Variants in ZNF770 observed in about 807,000 individuals in gnomAD.
ZNF770 encodes zinc finger protein 770.
ZNF770 carries 13 observed loss-of-function variants against 44.8 expected under a neutral mutation model. The ratio of observed to expected loss-of-function variants is 0.29; its 90% CI spans 0.19 to 0.46. The LOEUF (loss-of-function observed/expected upper bound fraction) is 0.46. Among genes scored for constraint, ZNF770 ranks in the 20% least tolerant of loss-of-function variants. The pLI is 1.00. For synonymous variants in ZNF770, 304 were observed against 271.8 expected, an observed-to-expected ratio of 1.12 and a Z score of -1.17; for missense variants, 681 against 797.9, an observed-to-expected ratio of 0.85 and a Z score of 1.77.
At position 34,988,119 on chromosome 15, in the gene ZNF770, G is replaced by A. The variant is rs1016825175; in HGVS notation, c.-177C>T. On this transcript the variant is annotated 5_prime_UTR_variant, in exon 1 of 3. The change creates a premature stop within an existing upstream ORF in the 5' untranslated region. Transcript: ENST00000356321. ...CCGTTCTTGGGTCCCCAGGCACCTT[G>A]GCGGTATTGAGGCAGGTCCGACCCT... 6.6e-6 allele frequency: 1 copy of A among 152,326 alleles called. No individual in the cohort carries two copies. The highest frequency in any genetic ancestry group is 2.4e-5 in the African/African-American group (1 of 41,458). The allele number at this position is 152,326 out of a possible 1,614,324, so 9.4% of individuals were successfully genotyped here. A position where few individuals can be genotyped will look rare whatever the true frequency, so the allele number is the denominator to read the frequency against.
In ZNF770 at chr15:34,982,798, C is replaced by T. The variant is rs1359707966; in HGVS notation, c.637G>A (p.Glu213Lys). 1 of 1,613,730 alleles carries T rather than the reference C, an allele frequency of 6.2e-7. No homozygotes were observed. Among genetic ancestry groups the T allele is most frequent in the East Asian group, 2.2e-5 (1 of 44,882 alleles). ...LKIHQLTHSE[E>K]RPFQCCFCQK... ...CAAAAACAACATTGAAAAGGTCTTT[C>T]TTCTGAATGTGTAAGTTGGTGGATT... The change falls in exon 3 of 3, where the codon GAA (glutamate) becomes AAA (lysine). Residue 213 changes from glutamate to lysine, a missense_variant. This residue lies in a region of ZNF770 where 432 missense variants were observed against 434.1 expected (regional missense o/e 1.00). Transcript: ENST00000356321.
intron 2 of ZNF770, among the ~76,000 whole-genome samples, chr15:34,985,804 G>A (rs147150776): frequency 6.6e-6 from 1 of 152,068 alleles, no homozygotes. Flanking sequence ...TGAGTCAGGA[G>A]AATTGCTTGA....
rs375299960 is a variant in ZNF770, at chr15:34,982,114, A to G, written c.1321T>C (p.Ser441Pro). 6.2e-7 allele frequency: 1 copy of G among 1,613,934 alleles called. No homozygotes were observed. Among genetic ancestry groups the G allele is most frequent in the African/African-American group, 1.3e-5 (1 of 74,946 alleles). The change falls in exon 3 of 3, where the codon TCA becomes CCA. Residue 441 changes from serine (S) to proline (P), a missense_variant. Physicochemically the swap from Ser to Pro is moderately conservative, Grantham distance 74. Transcript: ENST00000356321. Reference protein sequence around the residue: ...IDNSVNKKDLSICGSSGEEFF... With the variant: ...IDNSVNKKDLPICGSSGEEFF... ...TCCTCACCTGATGAACCACAGATTG[A>G]CAAGTCTTTCTTATTCACTGAATTA...
At chr15:34,986,701 G>A (rs758980428) in intron 2 of ZNF770, among the ~76,000 whole-genome samples, 1 of 152,204 alleles carries the variant, frequency 6.6e-6, no homozygotes, top group Non-Finnish European at 1.5e-5. Flanking sequence ...ACTGAAAGGA[G>A]CCCCTAACAA....
Position 34,983,182 on chromosome 15 carries a change from T to C in ZNF770, c.253A>G (p.Ile85Val), listed in dbSNP as rs776145555. Residue 85 changes from isoleucine (I) to valine (V), a missense_variant, in exon 3 of 3, where the codon ATT (isoleucine) becomes GTT (valine). Physicochemically the swap from Ile to Val is conservative, Grantham distance 29. Transcript: ENST00000356321. The part of the protein sequence containing the change: ...LTHSLPFKCS[I>V]CQRHFKNLKT... ...AGATTTTTAAAGTGACGCTGACAAA[T>C]ACTACATTTAAAAGGCAGACTATGA... 5.6e-6 allele frequency: 9 copies of C among 1,613,888 alleles called. No homozygotes were observed. Among genetic ancestry groups the C allele is most frequent in the East Asian group, 2.2e-5 (1 of 44,874 alleles).
Position 34,981,742 on chromosome 15 carries a change from C to G in ZNF770, c.1693G>C (p.Gly565Arg). The change falls in exon 3 of 3, where the codon GGT (glycine) becomes CGT (arginine). Residue 565 changes from glycine (G) to arginine (R), a missense_variant. This residue lies in a region of ZNF770 where 148 missense variants were observed against 191.0 expected (regional missense o/e 0.77). Transcript: ENST00000356321. ...TCTGAGACCTCGTATTTTTGAACAC[C>G]AGGAGCCTGACATTGTTGGGAAGCA... ...YNASQQCQAP[G>R]VQKYEVSESD... The G allele has an allele frequency of 6.2e-7, 1 of 1,614,026 alleles. No homozygotes were observed. Among genetic ancestry groups the G allele is most frequent in the Non-Finnish European group, 8.5e-7 (1 of 1,180,010 alleles).
chr15:34,985,780 G>C (rs1249305857), intron 2 of ZNF770, among the ~76,000 whole-genome samples: 2 of 152,156 alleles, frequency 1.3e-5, no homozygotes, highest in African/African-American at 4.8e-5. Context: ...TGTAATTTCA[G>C]CTACTTGGGA....
intron 2 of ZNF770, among the ~76,000 whole-genome samples, chr15:34,986,832 C>T (rs1374147824): frequency 6.6e-6 from 1 of 152,172 alleles, no homozygotes; most frequent in Non-Finnish European, 1.5e-5. Flanking sequence ...AGGAGGGCCT[C>T]CAAATGGAGG....
intron 2 of ZNF770, among the ~76,000 whole-genome samples, chr15:34,986,627 TC>T (rs1187407658): frequency 1.3e-5 from 2 of 152,178 alleles, no homozygotes; most frequent in African/African-American, 4.8e-5. Flanking sequence ...TCCCCAGTGG[TC>T]TACTAAATAC....
At chr15:34,985,660 C>T (rs759475207) in intron 2 of ZNF770, among the ~76,000 whole-genome samples, 4 of 152,112 alleles carry the variant, frequency 2.6e-5, no homozygotes, top group Non-Finnish European at 4.4e-5. Flanking sequence ...TTTGTGAGGC[C>T]GAGGCAGGGG....
chr15:34,979,554 G>A lies in ZNF770; in HGVS notation c.*1805C>T, dbSNP rs1251102835. ...AACAGGCACACTTCTACATCACTGG[G>A]TATTTTACTCAGACTGTCATGTTTC... On this transcript the variant is annotated 3_prime_UTR_variant, in exon 3 of 3. Transcript: ENST00000356321. The A allele has an allele frequency of 2.4e-6, 1 of 420,988 alleles. No homozygotes were observed. Among genetic ancestry groups the A allele is most frequent in the Non-Finnish European group, 4.7e-6 (1 of 212,034 alleles). The allele number at this position is 420,988 out of a possible 1,614,324, so 26.1% of individuals were successfully genotyped here.
In ZNF770 at chr15:34,979,875, T is replaced by C. The variant is rs1245687958; in HGVS notation, c.*1484A>G. 1 of 303,180 alleles carries C rather than the reference T, an allele frequency of 3.3e-6. No homozygotes were observed. The highest frequency in any genetic ancestry group is 6.4e-6 in the Non-Finnish European group (1 of 155,654). The allele number at this position is 303,180 out of a possible 1,614,324, so 18.8% of individuals were successfully genotyped here. On this transcript the variant is annotated 3_prime_UTR_variant, in exon 3 of 3. Transcript: ENST00000356321. ...TGAAGATTTTATAAACAAAGGCAAA[T>C]ATGAAGGAAAATTTGTAATTATGAA...
intron 2 of ZNF770, among the ~76,000 whole-genome samples, chr15:34,985,331 A>T (rs1189810650): frequency 6.6e-6 from 1 of 152,090 alleles, no homozygotes; most frequent in African/African-American, 2.4e-5. Flanking sequence ...TAGATCAGAG[A>T]GTTCTAAGTC....
chr15:34,983,208 G>A lies in ZNF770; in HGVS notation c.227C>T (p.Thr76Ile), dbSNP rs1317474703. The A allele has an allele frequency of 1.2e-6, 2 of 1,613,618 alleles. No individual in the cohort carries two copies. The highest frequency in any genetic ancestry group is 2.2e-5 in the South Asian group (2 of 91,024). The change falls in exon 3 of 3, where the codon ACT becomes ATT. Residue 76 changes from threonine (T) to isoleucine (I), a missense_variant. Transcript: ENST00000356321. ...ACTACATTTAAAAGGCAGACTATGA[G>A]TTAGTTGATGCCTCTCCAGATGAAC... ...QLVHLERHQLTHSLPFKCSIC... is the reference protein window; with the variant it reads ...QLVHLERHQLIHSLPFKCSIC...
intron 2 of ZNF770, among the ~76,000 whole-genome samples, chr15:34,985,906 A>C (rs1338645753): frequency 6.6e-6 from 1 of 152,152 alleles, no homozygotes; most frequent in African/African-American, 2.4e-5. Context: ...AAAAATTTAA[A>C]AATAAATACA....
At chr15:34,984,785 C>A (rs900666147) in intron 2 of ZNF770, among the ~76,000 whole-genome samples, 1 of 151,950 alleles carries the variant, frequency 6.6e-6, no homozygotes, top group Non-Finnish European at 1.5e-5. Flanking sequence ...GTGTGCTTTG[C>A]CCATCAGGCA....
chr15:34,986,343 A>G (rs2050434264), intron 2 of ZNF770, among the ~76,000 whole-genome samples: 1 of 152,236 alleles, frequency 6.6e-6, no homozygotes, highest in Admixed American at 6.5e-5. Context: ...ATCAATGTTA[A>G]CCAACAATCA....
rs561192958 is a variant in ZNF770, at chr15:34,978,701, A to G, written c.*2658T>C. 6.9e-6 allele frequency: 1 copy of G among 144,774 alleles called. No homozygotes were observed. Among genetic ancestry groups the G allele is most frequent in the South Asian group, 2.1e-4 (1 of 4,654 alleles). The allele number at this position is 144,774 out of a possible 1,614,324, so 9.0% of individuals were successfully genotyped here. On this transcript the variant is annotated 3_prime_UTR_variant, in exon 3 of 3. Coordinates refer to ENST00000356321, the MANE Select transcript of ZNF770 (RefSeq NM_014106.4). Reference sequence around the variant, plus strand: ...TTAACATGTATATTTTCATTCCTATAAAGTTTCCATAAGAAGCTTGCAATG... The same window carrying G: ...TTAACATGTATATTTTCATTCCTATGAAGTTTCCATAAGAAGCTTGCAATG...
Position 34,982,345 on chromosome 15 carries a change from T to C in ZNF770, c.1090A>G (p.Ser364Gly). 1.2e-6 allele frequency: 2 copies of C among 1,608,094 alleles called. No homozygotes were observed. The highest frequency in any genetic ancestry group is 1.7e-6 in the Non-Finnish European group (2 of 1,178,398). Reference sequence around the variant, plus strand: ...ATAAGATCACAATTTCTCAAGAAACTCTTTTTAAATACTTTTTTCTCAGAT... The same window carrying C: ...ATAAGATCACAATTTCTCAAGAAACCCTTTTTAAATACTTTTTTCTCAGAT... ...FQSEKKVFKK[S>G]FLRNCDLISG... is the part of the protein sequence containing the mutation. Residue 364 changes from serine (S) to glycine (G), a missense_variant, in exon 3 of 3, where the codon AGT becomes GGT. By Grantham distance (56) the Ser-to-Gly change is moderately conservative. Coordinates refer to ENST00000356321, the MANE Select transcript of ZNF770 (RefSeq NM_014106.4).
Sources: gnomAD v4.1 joint callset for allele counts (sites outside exome capture counted in the v4.1 genomes callset) on GRCh38, gnomAD v4.1.1 for gene constraint, gnomAD v4.1.1 regional missense constraint, MANE v1.5 for transcripts, NCBI Gene and HGNC (gene_info 2026-07-23, HGNC 2026-07-21) for gene names.